TBC1D13: variants seen among roughly 807,000 people sequenced by gnomAD.
TBC1D13 encodes the protein epididymis secretory sperm binding protein.
In TBC1D13, 40 loss-of-function variants were observed where a neutral mutation model predicts 53.6. The observed-to-expected ratio is 0.75, with a 90% CI of 0.58 to 0.97. The LOEUF (loss-of-function observed/expected upper bound fraction) is 0.97, where lower values mean the gene tolerates loss of function less well. Among genes scored for constraint, TBC1D13 ranks in the 50% least tolerant of loss-of-function variants. The pLI, the probability that TBC1D13 is intolerant of heterozygous loss-of-function variation, is 0.00. For missense variants in TBC1D13, 377 were observed against 499.4 expected (o/e 0.75, Z 2.34); for synonymous variants, 182 against 197.7 (o/e 0.92, Z 0.67).
At chr9:128,787,742 T>C (rs1829455419) in intron 1 of TBC1D13, among the ~76,000 whole-genome samples, 1 of 150,582 alleles carries the variant, frequency 6.6e-6, no homozygotes, top group Non-Finnish European at 1.5e-5. Context: ...CTTACTAGGA[T>C]TGCTAGAGAA....
intron 6 of TBC1D13, among the ~76,000 whole-genome samples, chr9:128,792,911 G>A (rs1004521877): frequency 2.6e-5 from 4 of 152,352 alleles, no homozygotes; most frequent in East Asian, 3.8e-4. Flanking sequence ...GCACTGGTGT[G>A]TTCCCTCTCC....
At chr9:128,790,843 C>T in intron 3 of TBC1D13, 68 bp downstream of exon 3, 1 of 1,483,678 alleles carries the variant, frequency 6.7e-7, no homozygotes, top group Non-Finnish European at 9.1e-7. Flanking sequence ...TGGGCTGCCC[C>T]TACCCCTGGC....
In TBC1D13 at chr9:128,790,711, G is replaced by T. The variant is rs775013059; in HGVS notation, c.98-24G>T. The T allele has an allele frequency of 7.1e-6, 11 of 1,539,596 alleles. No homozygotes were observed. In the South Asian group the frequency reaches 1.3e-4, roughly 19 times the overall value. On this transcript the variant is annotated intron_variant, in intron 2 of 11. Transcript: ENST00000372648. The stretch of plus-strand genomic sequence containing the variant: ...GTTCTGGGACTCTGGCCTGGGGCAT[G>T]ACCTTTGCCTGCTGTGTCCACAGGC...
chr9:128,791,500 C>G (rs80050628), intron 4 of TBC1D13, 59 bp downstream of exon 4: 1 of 1,606,178 alleles, frequency 6.2e-7, no homozygotes, highest in East Asian at 2.2e-5. Flanking sequence ...GAGCCAGTAC[C>G]GCTGGGGCCG....
At chr9:128,788,486 C>A in intron 2 of TBC1D13, 79 bp downstream of exon 2, 1 of 1,335,390 alleles carries the variant, frequency 7.5e-7, no homozygotes, top group Non-Finnish European at 1.1e-6. Flanking sequence ...CACACCTGGT[C>A]AGCTCTGGGG....
chr9:128,803,529 T>C, intron 8 of TBC1D13, 69 bp downstream of exon 8: 1 of 1,452,424 alleles, frequency 6.9e-7, no homozygotes, highest in Non-Finnish European at 9.6e-7. Context: ...TCACTTTCCC[T>C]CTCGGGCCTC....
rs771730335 is a variant in TBC1D13 at position 128,803,366 on chromosome 9, G to T, written c.660G>T (p.Lys220Asn). 1 of 1,614,230 alleles carries T rather than the reference G, an allele frequency of 6.2e-7. No individual in the cohort carries two copies. The highest frequency in any genetic ancestry group is 8.5e-7 in the Non-Finnish European group (1 of 1,180,044). Residue 220 changes from lysine (K) to asparagine (N), a missense_variant, in exon 8 of 12, where the codon AAG becomes AAT. Coordinates refer to ENST00000372648, the MANE Select transcript of TBC1D13 (RefSeq NM_018201.5). The stretch of plus-strand genomic sequence containing the variant: ...AGCGGATCCTGTTCATCTACGCCAA[G>T]CTCAACCCTGGCATCGCTTATGTGC... ...VVERILFIYAKLNPGIAYVQG... is the reference protein window; with the variant it reads ...VVERILFIYANLNPGIAYVQG...
At chr9:128,796,357 C>T (rs1201563922) in intron 6 of TBC1D13, among the ~76,000 whole-genome samples, 1 of 152,068 alleles carries the variant, frequency 6.6e-6, no homozygotes, top group African/African-American at 2.4e-5. Context: ...TCAAGCGATT[C>T]TTCTGCCTCA....
In TBC1D13 at chr9:128,790,816, C is replaced by G. The variant is rs778013338; in HGVS notation, c.138+41C>G. The G allele has an allele frequency of 1.9e-6, 3 of 1,552,012 alleles. No homozygotes were observed. In the South Asian group the frequency reaches 3.7e-5, roughly 19 times the overall value. On this transcript the variant is annotated intron_variant, in intron 3 of 11. Coordinates refer to ENST00000372648, the MANE Select transcript of TBC1D13 (RefSeq NM_018201.5). ...GTGGGGCTTCTGCTCTGCTGAGAGT[C>G]CCTGGGTTTTCCTGCATGGGCTGCC...
At chr9:128,803,132 C>T (rs917335166) in intron 7 of TBC1D13, 118 bp from the exon 8 acceptor site, 1 of 843,254 alleles carries the variant, frequency 1.2e-6, no homozygotes. Flanking sequence ...CGGCTCACTG[C>T]AGCCTCGACC....
chr9:128,803,905 T>C, intron 8 of TBC1D13, 51 bp from the exon 9 acceptor site: 1 of 1,600,300 alleles, frequency 6.2e-7, no homozygotes, highest in Non-Finnish European at 8.5e-7. Flanking sequence ...AGGTGAGAGG[T>C]GGGGTGGGCC....
intron 6 of TBC1D13, among the ~76,000 whole-genome samples, chr9:128,793,505 A>G (rs1222716570): frequency 1.3e-5 from 2 of 152,174 alleles, no homozygotes; most frequent in East Asian, 1.9e-4. Flanking sequence ...CGCATTTACC[A>G]GTTGTTAGCT....
At chr9:128,794,844 A>AAAT (rs1829599297) in intron 6 of TBC1D13, among the ~76,000 whole-genome samples, 2 of 151,800 alleles carry the variant, frequency 1.3e-5, no homozygotes, top group Admixed American at 1.3e-4. Flanking sequence ...GCTAAGTATA[A>AAAT]GAAGTCTGAA....
At chr9:128,787,488 C>CCG in intron 1 of TBC1D13, 112 bp downstream of exon 1, 2 of 1,118,350 alleles carry the variant, frequency 1.8e-6, no homozygotes, top group Non-Finnish European at 2.3e-6. Context: ...ACCCCCTCGG[C>CCG]AGAGGGTCTC....
Position 128,803,958 on chromosome 9 carries a change from CA to C in TBC1D13, c.758del (p.His253ProfsTer43). On this transcript the variant is annotated frameshift_variant, in exon 9 of 12. Transcript: ENST00000372648. LOFTEE classifies it high-confidence loss of function. ...ATDPNSEWKE[H>X]AEADTFFCFT... Reference sequence around the variant, plus strand: ...GCCCCCATCCTGCTCTCTCCCAGAGCACGCCGAGGCAGACACCTTTTTCTGC... The same window carrying C: ...GCCCCCATCCTGCTCTCTCCCAGAGCCGCCGAGGCAGACACCTTTTTCTGC... 2 of 1,612,664 alleles carry C rather than the reference CA, an allele frequency of 1.2e-6. No individual in the cohort carries two copies. The highest frequency in any genetic ancestry group is 1.7e-6 in the Non-Finnish European group (2 of 1,179,914).
intron 6 of TBC1D13, among the ~76,000 whole-genome samples, chr9:128,795,622 A>G (rs899175889): frequency 6.6e-6 from 1 of 151,802 alleles, no homozygotes; most frequent in African/African-American, 2.4e-5. Flanking sequence ...CACCACACCC[A>G]GCTAATTTTT....
intron 7 of TBC1D13, among the ~76,000 whole-genome samples, chr9:128,800,798 A>G (rs1829718783): frequency 6.6e-6 from 1 of 152,196 alleles, no homozygotes; most frequent in African/African-American, 2.4e-5. Flanking sequence ...TGTGTATTAT[A>G]TATAGAGAGA....
chr9:128,806,138 C>T, intron 10 of TBC1D13, 116 bp from the exon 11 acceptor site: 1 of 1,589,518 alleles, frequency 6.3e-7, no homozygotes, highest in Non-Finnish European at 8.6e-7. Context: ...GAGTGGGATT[C>T]TGGAGTCCTT....
intron 7 of TBC1D13, among the ~76,000 whole-genome samples, chr9:128,801,509 C>T (rs1829733063): frequency 6.6e-6 from 1 of 151,990 alleles, no homozygotes; most frequent in Non-Finnish European, 1.5e-5. Context: ...GAAACTCTGT[C>T]TCTACTAAAA....
Sources: allele counts gnomAD v4.1 joint callset (sites outside exome capture counted in the v4.1 genomes callset), GRCh38; gene constraint gnomAD v4.1.1; transcripts MANE v1.5; gene names NCBI Gene and HGNC (gene_info 2026-07-23, HGNC 2026-07-21).